The following CDH13 variants were observed in gnomAD, a reference collection of about 807,000 sequenced individuals.
The protein encoded by CDH13 is cadherin-13.
Under a neutral mutation model 63.8 loss-of-function variants are expected in CDH13, and 24 were observed. The observed-to-expected ratio is 0.38, with a 90% CI of 0.27 to 0.53. CDH13 has a LOEUF of 0.53. Ranked by LOEUF, CDH13 falls within the 20% of genes least tolerant of loss-of-function variation. The pLI, the probability that CDH13 is intolerant of heterozygous loss-of-function variation, is 0.85. For missense variants in CDH13, 1,049 were observed against 903.1 expected, an observed-to-expected ratio of 1.16 and a Z score of -2.07; for synonymous variants, 503 against 355.3, an observed-to-expected ratio of 1.42 and a Z score of -4.67.
intron 8 of CDH13, among the ~76,000 whole-genome samples, chr16:83,621,668 G>C (rs899309561): frequency 3.3e-5 from 5 of 151,452 alleles, no homozygotes; most frequent in African/African-American, 1.2e-4. Flanking sequence ...TGTATTTTTA[G>C]TAGAGACGAG....
At chr16:83,535,367 G>A (rs1015465995) in intron 7 of CDH13, among the ~76,000 whole-genome samples, 2 of 152,252 alleles carry the variant, frequency 1.3e-5, no homozygotes, top group South Asian at 4.1e-4. Flanking sequence ...TGGCATTTTA[G>A]TAGATGCTGT....
intron 1 of CDH13, among the ~76,000 whole-genome samples, chr16:82,847,945 G>T (rs186778503): frequency 1.2e-4 from 18 of 147,652 alleles, no homozygotes; most frequent in African/African-American, 4.5e-4. Flanking sequence ...ACAAATTGAA[G>T]ATTTGTGGTG....
At chr16:83,404,079 C>CA (rs1279638110) in intron 6 of CDH13, among the ~76,000 whole-genome samples, 5 of 152,280 alleles carry the variant, frequency 3.3e-5, no homozygotes, top group Non-Finnish European at 7.4e-5. Flanking sequence ...AAAAATCCCA[C>CA]AAAAAATGTT....
chr16:83,068,200 A>G (rs550500259), intron 3 of CDH13, among the ~76,000 whole-genome samples: 3 of 152,354 alleles, frequency 2.0e-5, no homozygotes, highest in Admixed American at 6.5e-5. Flanking sequence ...TCATATTTCT[A>G]TACATTTTCT....
chr16:82,947,207 A>G (rs1240807060), intron 2 of CDH13, among the ~76,000 whole-genome samples: 3 of 152,070 alleles, frequency 2.0e-5, no homozygotes, highest in African/African-American at 7.2e-5. Flanking sequence ...TATTCCTACT[A>G]CCTGCTTGGA....
intron 1 of CDH13, among the ~76,000 whole-genome samples, chr16:82,641,642 A>G (rs1440100474): frequency 6.6e-6 from 1 of 152,226 alleles, no homozygotes; most frequent in Non-Finnish European, 1.5e-5. Flanking sequence ...GGAATCAACT[A>G]TGGATGTTTT....
intron 2 of CDH13, among the ~76,000 whole-genome samples, chr16:82,869,172 G>A (rs962234594): frequency 1.3e-5 from 2 of 152,146 alleles, no homozygotes; most frequent in East Asian, 1.9e-4. Flanking sequence ...TCAGCCTTCC[G>A]AGTAGCTGGG....
chr16:82,721,159 AGT>A (rs1029590347), intron 1 of CDH13, among the ~76,000 whole-genome samples: 2 of 152,214 alleles, frequency 1.3e-5, no homozygotes, highest in African/African-American at 4.8e-5. Flanking sequence ...GAGCACCTAC[AGT>A]GTTGCTGATG....
intron 2 of CDH13, chr16:83,022,895 C>T (rs958474379): frequency 2.6e-5 from 4 of 152,230 alleles, no homozygotes; most frequent in African/African-American, 9.6e-5. Flanking sequence ...TATATTAGTT[C>T]ATACCTAGCT....
chr16:82,644,134 A>T lies in CDH13; in HGVS notation c.45+16997A>T, dbSNP rs1055646416. 6.6e-6 allele frequency among the ~76,000 whole-genome samples: 1 copy of T among 152,162 alleles called. No homozygotes were observed. The highest frequency in any genetic ancestry group is 1.5e-5 in the Non-Finnish European group (1 of 68,034). ...GCTAATTGTCATTGTACTCAAGTTG[A>T]TAGCAGATTGCTGAAGGATTTAGGA... On this transcript the variant is annotated intron_variant, in intron 1 of 13. Coordinates refer to ENST00000567109, the MANE Select transcript of CDH13 (RefSeq NM_001257.5). The surrounding 1 kb of genome is among the most constrained non-coding windows in gnomAD (Gnocchi z 5.7).
intron 1 of CDH13, among the ~76,000 whole-genome samples, chr16:82,806,981 GC>G (rs2037176876): frequency 6.6e-6 from 1 of 152,094 alleles, no homozygotes; most frequent in South Asian, 2.1e-4. Context: ...ACTATGGGTA[GC>G]AAAGGAAGCA....
At chr16:83,513,200 C>G (rs963498533) in intron 7 of CDH13, among the ~76,000 whole-genome samples, 1 of 152,002 alleles carries the variant, frequency 6.6e-6, no homozygotes, top group Non-Finnish European at 1.5e-5. Context: ...TTCCAAGCTT[C>G]AAAGCATCAA....
chr16:83,362,754 T>G (rs12716733), intron 6 of CDH13, among the ~76,000 whole-genome samples: 151,726 of 152,332 alleles, frequency 1, 75,565 homozygotes, highest in Non-Finnish European at 1. Context: ...ATGCCTGCTT[T>G]TCCTCTATGA....
chr16:82,807,627 C>G (rs949245122), intron 1 of CDH13, among the ~76,000 whole-genome samples: 1 of 152,148 alleles, frequency 6.6e-6, no homozygotes, highest in East Asian at 1.9e-4. Flanking sequence ...TTGAAAATGC[C>G]TCATTGTGGG....
At chr16:83,062,060 A>C (rs1284668464) in intron 3 of CDH13, among the ~76,000 whole-genome samples, 1 of 152,202 alleles carries the variant, frequency 6.6e-6, no homozygotes, top group African/African-American at 2.4e-5. Flanking sequence ...AGGATGGCTG[A>C]GGCTTTAGAA....
chr16:83,420,396 A>G (rs1274186929), intron 6 of CDH13, among the ~76,000 whole-genome samples: 2 of 152,140 alleles, frequency 1.3e-5, no homozygotes, highest in Non-Finnish European at 2.9e-5. Context: ...TCAAAGGAAA[A>G]ATTGTTCAGT....
chr16:83,763,345 T>C (rs751019473), intron 11 of CDH13, among the ~76,000 whole-genome samples: 3 of 152,226 alleles, frequency 2.0e-5, no homozygotes, highest in Non-Finnish European at 2.9e-5. Flanking sequence ...CTCTGTAAGA[T>C]AGATGTTCCA....
At chr16:83,680,381 A>G (rs1296680845) in intron 10 of CDH13, among the ~76,000 whole-genome samples, 1 of 152,162 alleles carries the variant, frequency 6.6e-6, no homozygotes, top group Non-Finnish European at 1.5e-5. Flanking sequence ...AGAAGGAGGG[A>G]TGAACATCCT....
chr16:83,054,923 A>C (rs569098624), intron 3 of CDH13, among the ~76,000 whole-genome samples: 2 of 152,156 alleles, frequency 1.3e-5, no homozygotes, highest in Non-Finnish European at 2.9e-5. Context: ...ATACTTATCA[A>C]TATATTGTAG....
Sources: gnomAD v4.1 joint callset for allele counts (sites outside exome capture counted in the v4.1 genomes callset) on GRCh38, gnomAD v4.1.1 for gene constraint, Gnocchi (gnomAD v3.1) non-coding constraint, MANE v1.5 for transcripts, NCBI Gene and HGNC (gene_info 2026-07-23, HGNC 2026-07-21) for gene names.